The following RASA1 variants were observed in gnomAD, a reference collection of about 807,000 sequenced individuals.
The protein encoded by RASA1 is RAS p21 protein activator 1.
Under a neutral mutation model 132.2 loss-of-function variants are expected in RASA1, and 25 were observed. The observed-to-expected ratio is 0.19, with a 90% CI of 0.14 to 0.26. The LOEUF (loss-of-function observed/expected upper bound fraction) is 0.26, where lower values mean the gene tolerates loss of function less well. Ranked by LOEUF, RASA1 falls within the 10% of genes least tolerant of loss-of-function variation. The probability of loss-of-function intolerance (pLI) is 1.00; values close to 1 mark genes in which losing one functional copy is unlikely to be tolerated. For missense variants in RASA1, 964 were observed against 1,299.2 expected, an observed-to-expected ratio of 0.74 and a Z score of 3.97; for synonymous variants, 477 against 449.9, an observed-to-expected ratio of 1.06 and a Z score of -0.76.
chr5:87,334,698 G>A lies in RASA1; in HGVS notation c.899+1361G>A, dbSNP rs149679797. ...TGTATTCTTCACTGTTACACACTTA[G>A]AGTTAAAGACAGTTTCATTGAAGAG... On this transcript the variant is annotated intron_variant, in intron 4 of 24. Transcript: ENST00000274376. 6.6e-5 allele frequency among the ~76,000 whole-genome samples: 10 copies of A among 152,308 alleles called. No homozygotes were observed. The East Asian group carries it at 1.7e-3, about 26-fold the overall frequency.
chr5:87,362,902 CTTTCT>C (rs1323257025), intron 10 of RASA1, among the ~76,000 whole-genome samples: 1 of 149,536 alleles, frequency 6.7e-6, no homozygotes, highest in Non-Finnish European at 1.5e-5. Context: ...TTCTTTCTTT[CTTTCT>C]TTTTTTTTTT....
At chr5:87,344,505 T>C (rs1758701937) in intron 6 of RASA1, among the ~76,000 whole-genome samples, 1 of 151,934 alleles carries the variant, frequency 6.6e-6, no homozygotes, top group African/African-American at 2.4e-5. Context: ...TTCAAATTCA[T>C]AATACTTTTT....
At chr5:87,377,394 A>C (rs1015227202) in intron 17 of RASA1, among the ~76,000 whole-genome samples, 6 of 152,118 alleles carry the variant, frequency 3.9e-5, no homozygotes, top group African/African-American at 1.2e-4. Flanking sequence ...GCAGTGGCGC[A>C]GTCTCGGCTC....
chr5:87,384,456 A>G (rs1761932965), intron 21 of RASA1, among the ~76,000 whole-genome samples: 2 of 152,148 alleles, frequency 1.3e-5, no homozygotes, highest in African/African-American at 4.8e-5. Flanking sequence ...CTGAAGCTCA[A>G]AATTGTACTA....
In RASA1 at chr5:87,280,375, C is replaced by T. The variant is rs533747849; in HGVS notation, c.539+11385C>T. Among the ~76,000 whole-genome samples, 5 of 152,074 alleles carry T rather than the reference C, an allele frequency of 3.3e-5. No homozygotes were observed. In the South Asian group the frequency reaches 1.0e-3, roughly 32 times the overall value. ...TTGCCTAGGCTGGAATGCAGTGGCA[C>T]AATAATGGCTCATTACAACTTCCAC... On this transcript the variant is annotated intron_variant, in intron 1 of 24. Transcript: ENST00000274376.
intron 1 of RASA1, chr5:87,318,302 A>G (rs1205185654): frequency 6.6e-6 from 1 of 152,222 alleles, no homozygotes; most frequent in African/African-American, 2.4e-5. Flanking sequence ...ATAGGGGAAC[A>G]TGTAAAAAAG....
At chr5:87,378,863 CATT>C (rs1287445849) in intron 18 of RASA1, among the ~76,000 whole-genome samples, 5 of 152,240 alleles carry the variant, frequency 3.3e-5, no homozygotes, top group East Asian at 1.9e-4. Flanking sequence ...GTTAGTGACT[CATT>C]ATATAACCTA....
At chr5:87,289,272 G>A (rs377585216) in intron 1 of RASA1, among the ~76,000 whole-genome samples, 2 of 152,142 alleles carry the variant, frequency 1.3e-5, no homozygotes. Flanking sequence ...GGCACATGAC[G>A]TCAATTATCC....
At chr5:87,330,453 A>G (rs548106167) in intron 1 of RASA1, among the ~76,000 whole-genome samples, 74 of 152,192 alleles carry the variant, frequency 4.9e-4, no homozygotes, top group Non-Finnish European at 9.7e-4. Context: ...GGATGTTTCA[A>G]ATTAGGCTGT....
intron 1 of RASA1, among the ~76,000 whole-genome samples, chr5:87,314,189 A>G (rs1337834414): frequency 6.6e-6 from 1 of 152,174 alleles, no homozygotes; most frequent in Non-Finnish European, 1.5e-5. Flanking sequence ...GATAAAAAAT[A>G]AAAAATAAAA....
rs192724492 is a variant in RASA1, at chr5:87,290,869, G to A, written c.539+21879G>A. Among the ~76,000 whole-genome samples the A allele has an allele frequency of 1.6e-3, 239 of 152,304 alleles. 1 individual carries two copies. Among genetic ancestry groups the A allele is most frequent in the Middle Eastern group, 6.8e-3 (2 of 294 alleles). Reference sequence around the variant, plus strand: ...GCACCATAATTTATCCAGTCAGCTAGTGGTGGTTTGTGGATTTTGGCAATT... The same window carrying A: ...GCACCATAATTTATCCAGTCAGCTAATGGTGGTTTGTGGATTTTGGCAATT... On this transcript the variant is annotated intron_variant, in intron 1 of 24. Coordinates refer to ENST00000274376, the MANE Select transcript of RASA1 (RefSeq NM_002890.3).
At chr5:87,389,340 CAAAAA>C in intron 23 of RASA1, 48 bp from the exon 24 acceptor site, 1 of 1,581,148 alleles carries the variant, frequency 6.3e-7, no homozygotes, top group South Asian at 1.1e-5. Context: ...TCAAAAAAAA[CAAAAA>C]AAAAGAAGAT....
intron 1 of RASA1, chr5:87,299,775 A>G (rs1755280349): frequency 6.6e-6 from 1 of 152,082 alleles, no homozygotes; most frequent in Non-Finnish European, 1.5e-5. Context: ...AATTTTTAGT[A>G]TATGTGCTGC....
intron 24 of RASA1, among the ~76,000 whole-genome samples, chr5:87,390,156 T>G (rs931235181): frequency 4.6e-5 from 7 of 152,252 alleles, no homozygotes; most frequent in African/African-American, 1.7e-4. Flanking sequence ...TTGAAGGGAC[T>G]TAATACCAGG....
chr5:87,375,887 GATAAAAT>G (rs1303452682), intron 15 of RASA1, among the ~76,000 whole-genome samples: 1 of 152,056 alleles, frequency 6.6e-6, no homozygotes, highest in Non-Finnish European at 1.5e-5. Context: ...TTACTTTTAC[GATAAAAT>G]CCAAACCCCA....
In RASA1 at chr5:87,281,303, C is replaced by T. The variant is rs544139365; in HGVS notation, c.539+12313C>T. 2.2e-4 allele frequency among the ~76,000 whole-genome samples: 33 copies of T among 150,120 alleles called. No homozygotes were observed. The South Asian group carries it at 6.5e-3, about 30-fold the overall frequency. ...TGTTGCCCAGGCTGAAGTGCAATGGCGTGATCTCGTCTCACTGCAATCTCG... is the reference window on the plus strand; with the variant it reads ...TGTTGCCCAGGCTGAAGTGCAATGGTGTGATCTCGTCTCACTGCAATCTCG... On this transcript the variant is annotated intron_variant, in intron 1 of 24. Transcript: ENST00000274376.
chr5:87,366,159 GAT>G (rs1354909377), intron 11 of RASA1, among the ~76,000 whole-genome samples: 1 of 152,122 alleles, frequency 6.6e-6, no homozygotes, highest in South Asian at 2.1e-4. Context: ...AATACAAAAA[GAT>G]ATGTGTCTTG....
intron 1 of RASA1, among the ~76,000 whole-genome samples, chr5:87,290,204 G>C (rs570322822): frequency 6.6e-5 from 10 of 152,236 alleles, no homozygotes; most frequent in African/African-American, 2.2e-4. Context: ...AGGACAAGGA[G>C]GATGCAAAAT....
intron 1 of RASA1, among the ~76,000 whole-genome samples, chr5:87,276,946 C>T (rs1754085193): frequency 6.6e-6 from 1 of 152,088 alleles, no homozygotes; most frequent in Non-Finnish European, 1.5e-5. Flanking sequence ...AGAACTGGGA[C>T]AGAATCCGAT....
Sources: gnomAD v4.1 joint callset for allele counts (sites outside exome capture counted in the v4.1 genomes callset) on GRCh38, gnomAD v4.1.1 for gene constraint, MANE v1.5 for transcripts, NCBI Gene and HGNC (gene_info 2026-07-23, HGNC 2026-07-21) for gene names.